DGKI: variants seen among roughly 807,000 people sequenced by gnomAD.
DGKI encodes the protein DAG kinase iota.
DGKI carries 55 observed loss-of-function variants against 147.5 expected under a neutral mutation model. That is an observed-to-expected ratio of 0.37 (90% CI 0.30 to 0.47). The LOEUF is 0.47. Among genes scored for constraint, DGKI ranks in the 20% least tolerant of loss-of-function variants. DGKI has a pLI of 1.00. For missense variants in DGKI, 1,007 were observed against 1,323.8 expected, an observed-to-expected ratio of 0.76 and a Z score of 3.71; for synonymous variants, 469 against 477.1, an observed-to-expected ratio of 0.98 and a Z score of 0.22.
intron 30 of DGKI, among the ~76,000 whole-genome samples, chr7:137,401,540 G>A: frequency 6.6e-6 from 1 of 152,032 alleles, no homozygotes; most frequent in East Asian, 1.9e-4. Flanking sequence ...TAAAAATAAA[G>A]ATAATTGAAT....
chr7:137,602,495 T>C (rs985575851), intron 10 of DGKI, among the ~76,000 whole-genome samples: 1 of 152,210 alleles, frequency 6.6e-6, no homozygotes, highest in Non-Finnish European at 1.5e-5. Flanking sequence ...TATGATTACA[T>C]CTTTTAAAAA....
intron 21 of DGKI, among the ~76,000 whole-genome samples, chr7:137,498,575 T>C (rs1306169626): frequency 6.6e-6 from 1 of 152,088 alleles, no homozygotes; most frequent in Non-Finnish European, 1.5e-5. Flanking sequence ...GATTAAAATT[T>C]GGAATGTTTT....
At chr7:137,788,435 C>A (rs1796738949) in intron 1 of DGKI, among the ~76,000 whole-genome samples, 1 of 152,100 alleles carries the variant, frequency 6.6e-6, no homozygotes, top group African/African-American at 2.4e-5. Context: ...TCCTTCTGAA[C>A]TTTTCAATGG....
rs952786532 is a variant in DGKI, at chr7:137,478,343, A to G, written c.2373+7031T>C. 7.9e-5 allele frequency among the ~76,000 whole-genome samples: 12 copies of G among 152,226 alleles called. 1 individual carries two copies. The highest frequency in any genetic ancestry group is 1.9e-4 in the African/African-American group (8 of 41,458). ...TATGCTCGCACATTCTTAACCTACCATGACCACACAGATGAATGGGTTTCT... is the reference window on the plus strand; with the variant it reads ...TATGCTCGCACATTCTTAACCTACCGTGACCACACAGATGAATGGGTTTCT... On this transcript the variant is annotated intron_variant, in intron 23 of 32. Coordinates refer to ENST00000614521, the MANE Select transcript of DGKI (RefSeq NM_001321708.2).
At chr7:137,624,687 C>G (rs1326997197) in intron 6 of DGKI, among the ~76,000 whole-genome samples, 1 of 152,180 alleles carries the variant, frequency 6.6e-6, no homozygotes, top group African/African-American at 2.4e-5. Context: ...TCACTGCAAG[C>G]TCCGCCTCCC....
At chr7:137,567,366 G>T (rs1181944157) in intron 19 of DGKI, among the ~76,000 whole-genome samples, 1 of 151,672 alleles carries the variant, frequency 6.6e-6, no homozygotes, top group Non-Finnish European at 1.5e-5. Flanking sequence ...TAAAAAAGGA[G>T]AAAGAAAGCC....
At chr7:137,725,130 T>TCC (rs1408161873) in intron 1 of DGKI, among the ~76,000 whole-genome samples, 2 of 152,044 alleles carry the variant, frequency 1.3e-5, no homozygotes, top group Non-Finnish European at 2.9e-5. Flanking sequence ...GTGGGTATTA[T>TCC]CCCCCTTCTG....
chr7:137,653,923 C>A (rs1424521801), intron 5 of DGKI, among the ~76,000 whole-genome samples: 2 of 152,212 alleles, frequency 1.3e-5, no homozygotes, highest in African/African-American at 4.8e-5. Context: ...TCATTGCAGG[C>A]TTTTGTTTCA....
intron 1 of DGKI, among the ~76,000 whole-genome samples, chr7:137,749,746 T>A (rs994462784): frequency 3.9e-5 from 6 of 152,294 alleles, no homozygotes; most frequent in Middle Eastern, 3.4e-3. Flanking sequence ...TTCTGATTCC[T>A]CATTGGTTCA....
rs1563135477 is a variant in DGKI, at chr7:137,656,767, G to A, written c.607-227C>T. On this transcript the variant is annotated intron_variant, in intron 3 of 32. Coordinates refer to ENST00000614521, the MANE Select transcript of DGKI (RefSeq NM_001321708.2). The stretch of plus-strand genomic sequence containing the variant: ...GTAGCTCCACATCTGCATGATTTAG[G>A]GTGGGCTAGATTGTCTCTTCAAATA... Among the ~76,000 whole-genome samples, 3 of 152,076 alleles carry A rather than the reference G, an allele frequency of 2.0e-5. No homozygotes were observed. The East Asian group carries it at 5.8e-4, about 29-fold the overall frequency.
At chr7:137,542,242 T>A (rs1194622722) in intron 20 of DGKI, among the ~76,000 whole-genome samples, 2 of 152,152 alleles carry the variant, frequency 1.3e-5, no homozygotes, top group Non-Finnish European at 2.9e-5. Context: ...ACTTACCATA[T>A]GACCCAGCAA....
At chr7:137,646,627 A>G (rs1410546864) in intron 5 of DGKI, among the ~76,000 whole-genome samples, 2 of 152,188 alleles carry the variant, frequency 1.3e-5, no homozygotes, top group African/African-American at 4.8e-5. Flanking sequence ...TAAAGTACTC[A>G]TTGTTTTCTT....
intron 21 of DGKI, among the ~76,000 whole-genome samples, chr7:137,501,296 C>T (rs1816163053): frequency 6.6e-6 from 1 of 152,152 alleles, no homozygotes. Flanking sequence ...GCTTCTGCAT[C>T]TTGACTATTA....
In DGKI at chr7:137,660,771, G is replaced by A. The variant is rs572371264; in HGVS notation, c.607-4231C>T. Among the ~76,000 whole-genome samples, 5 of 152,008 alleles carry A rather than the reference G, an allele frequency of 3.3e-5. No homozygotes were observed. The East Asian group carries it at 9.7e-4, about 29-fold the overall frequency. Reference sequence around the variant, plus strand: ...TATCTGGTGGGAGTTGAGAGAGTTTGATGGAGAAAAACAGGAAAGGAAGGA... The same window carrying A: ...TATCTGGTGGGAGTTGAGAGAGTTTAATGGAGAAAAACAGGAAAGGAAGGA... On this transcript the variant is annotated intron_variant, in intron 3 of 32. Coordinates refer to ENST00000614521, the MANE Select transcript of DGKI (RefSeq NM_001321708.2).
Position 137,390,624 on chromosome 7 carries a change from A to C in DGKI, c.*596T>G. The C allele has an allele frequency of 6.5e-6, 1 of 153,342 alleles. No homozygotes were observed. Among genetic ancestry groups the C allele is most frequent in the Non-Finnish European group, 1.5e-5 (1 of 68,846 alleles). The allele number at this position is 153,342 out of a possible 1,614,324, so 9.5% of individuals were successfully genotyped here. A position where few individuals can be genotyped will look rare whatever the true frequency, so the allele number is the denominator to read the frequency against. On this transcript the variant is annotated 3_prime_UTR_variant, in exon 33 of 33. Coordinates refer to ENST00000614521, the MANE Select transcript of DGKI (RefSeq NM_001321708.2). ...TCCCAGCTCCTATATAATGAAACGG[A>C]GGGTTGGCGGGTGAGGGGGACATGC...
At chr7:137,458,304 T>C (rs970910776) in intron 27 of DGKI, among the ~76,000 whole-genome samples, 1 of 152,166 alleles carries the variant, frequency 6.6e-6, no homozygotes, top group African/African-American at 2.4e-5. Flanking sequence ...GCTGATCGGG[T>C]ACCAGATACC....
chr7:137,448,620 AG>A (rs1175122119), intron 27 of DGKI, among the ~76,000 whole-genome samples: 7 of 10,610 alleles, frequency 6.6e-4, no homozygotes, highest in African/African-American at 1.5e-3. Context: ...GAGGGAGGGA[AG>A]GAAGGGAGGG....
At chr7:137,657,108 A>G (rs1265437779) in intron 3 of DGKI, among the ~76,000 whole-genome samples, 3 of 152,250 alleles carry the variant, frequency 2.0e-5, no homozygotes, top group African/African-American at 7.2e-5. Flanking sequence ...AAGGAAGGCA[A>G]GTTCAGCTTT....
chr7:137,638,640 A>ATATACACATATATGTATGTATATG, intron 6 of DGKI, among the ~76,000 whole-genome samples: 1 of 40,292 alleles, frequency 2.5e-5, no homozygotes, highest in East Asian at 1.1e-3. Context: ...GTGTGTATAT[A>ATATACACATATATGTATGTATATG]TGTGTATGTA....
Sources: allele counts gnomAD v4.1 joint callset (sites outside exome capture counted in the v4.1 genomes callset), GRCh38; gene constraint gnomAD v4.1.1; transcripts MANE v1.5; gene names NCBI Gene and HGNC (gene_info 2026-07-23, HGNC 2026-07-21).